PIF1: variants seen among roughly 807,000 people sequenced by gnomAD.
PIF1 encodes the protein PIF1 5'-to-3' DNA helicase, also known as ATP-dependent DNA helicase PIF1.
Under a neutral mutation model 62.3 loss-of-function variants are expected in PIF1, and 67 were observed. That is an observed-to-expected ratio of 1.08 (90% CI 0.88 to 1.32). The LOEUF is 1.32. Ranked by LOEUF, PIF1 falls within the 40% of genes most tolerant of loss-of-function variation. PIF1 has a pLI of 0.00. For missense variants in PIF1, 886 were observed against 866.1 expected, an observed-to-expected ratio of 1.02 and a Z score of -0.29; for synonymous variants, 364 against 379.5, an observed-to-expected ratio of 0.96 and a Z score of 0.47.
chr15:64,821,357 A>G lies in PIF1; in HGVS notation c.971+10T>C, dbSNP rs1195602616. The G allele has an allele frequency of 6.2e-7, 1 of 1,613,964 alleles. No homozygotes were observed. Among genetic ancestry groups the G allele is most frequent in the Non-Finnish European group, 8.5e-7 (1 of 1,179,904 alleles). On this transcript the variant is annotated intron_variant, in intron 5 of 12. Transcript: ENST00000559239. The stretch of plus-strand genomic sequence containing the variant: ...CCAGTTCTCACCTGCTGCCCTCTGA[A>G]CATACTGACCTGGCCACGGCCTCCA...
chr15:64,818,206 G>T (rs769915555), intron 10 of PIF1, 51 bp downstream of exon 10: 1 of 1,610,934 alleles, frequency 6.2e-7, no homozygotes, highest in Non-Finnish European at 8.5e-7. Context: ...CATTCCCGGG[G>T]CCATGCTGCA....
rs2084180501 is a variant in PIF1, at chr15:64,816,260, C to G, written c.*38G>C. ...ACTAGGGAGCAGGAGGACGGGGAGG[C>G]CACAGGCCACCCTTTGTCTTCTCTT... On this transcript the variant is annotated 3_prime_UTR_variant, in exon 13 of 13. Transcript: ENST00000559239. 1 of 1,612,712 alleles carries G rather than the reference C, an allele frequency of 6.2e-7. No homozygotes were observed. Among genetic ancestry groups the G allele is most frequent in the African/African-American group, 1.3e-5 (1 of 74,894 alleles).
chr15:64,818,372 C>G, intron 9 of PIF1, 28 bp from the exon 10 acceptor site: 1 of 1,606,836 alleles, frequency 6.2e-7, no homozygotes, highest in Non-Finnish European at 8.5e-7. Flanking sequence ...GAATGGACAG[C>G]AGCCCCCCTA....
chr15:64,820,099 G>C (rs1595814707), intron 7 of PIF1, 113 bp from the exon 8 acceptor site: 1 of 1,351,312 alleles, frequency 7.4e-7, no homozygotes, highest in East Asian at 2.3e-5. Flanking sequence ...GACTGGAAGA[G>C]GGCACCAGGG....
intron 1 of PIF1, 121 bp from the exon 2 acceptor site, chr15:64,824,475 A>C: frequency 1.7e-6 from 1 of 593,356 alleles, no homozygotes; most frequent in Non-Finnish European, 2.5e-6. Context: ...ACACAAGATC[A>C]CGAGGACTGT....
rs1434602514 is a variant in PIF1, at chr15:64,824,373, A to G, written c.-19-19T>C. 6 of 1,238,894 alleles carry G rather than the reference A, an allele frequency of 4.8e-6. No homozygotes were observed. Among genetic ancestry groups the G allele is most frequent in the Non-Finnish European group, 6.1e-6 (6 of 990,880 alleles). The allele number at this position is 1,238,894 out of a possible 1,614,324, so 76.7% of individuals were successfully genotyped here. ...TGCTGGTCTGCGAAGACACCGGAGCACAGGGGTCATGAGGATTCATGAGAC... is the reference window on the plus strand; with the variant it reads ...TGCTGGTCTGCGAAGACACCGGAGCGCAGGGGTCATGAGGATTCATGAGAC... On this transcript the variant is annotated intron_variant, in intron 1 of 12. Transcript: ENST00000559239.
chr15:64,825,019 A>G (rs1162813769), intron 1 of PIF1, among the ~76,000 whole-genome samples: 2 of 151,470 alleles, frequency 1.3e-5, no homozygotes, highest in African/African-American at 4.9e-5. Flanking sequence ...ACACACACAC[A>G]TATACACACA....
chr15:64,817,880 C>A, intron 11 of PIF1, 66 bp downstream of exon 11: 1 of 1,527,128 alleles, frequency 6.5e-7, no homozygotes, highest in Non-Finnish European at 8.8e-7. Flanking sequence ...AAAAAAGACA[C>A]ATAGACTGCA....
In PIF1 at chr15:64,815,679, A is replaced by G; in HGVS notation, c.*619T>C. 6.5e-7 allele frequency: 1 copy of G among 1,542,960 alleles called. No homozygotes were observed. The highest frequency in any genetic ancestry group is 8.7e-7 in the Non-Finnish European group (1 of 1,143,118). ...ATTTGTCCGAAATAAATACAACCTG[A>G]GAACATCCATTTCAATGTCCCCAAA... On this transcript the variant is annotated 3_prime_UTR_variant, in exon 13 of 13. Coordinates refer to ENST00000559239, the MANE Select transcript of PIF1 (RefSeq NM_001286496.2).
intron 11 of PIF1, among the ~76,000 whole-genome samples, chr15:64,817,647 A>C (rs926178313): frequency 1.3e-5 from 2 of 151,954 alleles, no homozygotes; most frequent in Non-Finnish European, 2.9e-5. Context: ...GTGGATCACC[A>C]GGTCAGGAGA....
rs779519311 is a variant in PIF1, at chr15:64,817,929, C to A, written c.1674+17G>T. On this transcript the variant is annotated intron_variant, in intron 11 of 12. Transcript: ENST00000559239. ...CCCTCTGCCCTCCCTGTCCCTGCCC[C>A]CCACACCGGTGCTCACTTGGCTCTT... The A allele has an allele frequency of 6.2e-7, 1 of 1,602,402 alleles. No individual in the cohort carries two copies. The highest frequency in any genetic ancestry group is 8.5e-7 in the Non-Finnish European group (1 of 1,174,640).
intron 4 of PIF1, 72 bp downstream of exon 4, chr15:64,822,194 G>A: frequency 6.4e-7 from 1 of 1,559,174 alleles, no homozygotes; most frequent in Non-Finnish European, 8.6e-7. Context: ...CCCTCTTTAT[G>A]CAGACCTCCC....
chr15:64,820,226 G>C (rs2084266643), intron 7 of PIF1, among the ~76,000 whole-genome samples: 1 of 152,200 alleles, frequency 6.6e-6, no homozygotes, highest in Non-Finnish European at 1.5e-5. Flanking sequence ...ACCCTTCCCT[G>C]TGCTGCCCCA....
chr15:64,823,455 C>T (rs62017274), intron 2 of PIF1: 15,471 of 213,082 alleles, frequency 0.073, 2,147 homozygotes, highest in African/African-American at 0.3. Context: ...ACCATGTTGG[C>T]CAGGCTGGCC....
rs1467317705 is a variant in PIF1 at position 64,819,176 on chromosome 15, T to G, written c.1381A>C (p.Ser461Arg). ...ACAGGACACTGGGCATCCAGGGTAC[T>G]GGCCAGCTCAGGGTTGCTGTCCATA... is the stretch of plus-strand genomic sequence containing the variant. ...EAMDSNPELA[S>R]TLDAQCPVSQ... The change falls in exon 9 of 13, where the codon AGT becomes CGT. Residue 461 changes from serine to arginine, a missense_variant. Coordinates refer to ENST00000559239, the MANE Select transcript of PIF1 (RefSeq NM_001286496.2). 6.2e-7 allele frequency: 1 copy of G among 1,602,588 alleles called. No homozygotes were observed. Among genetic ancestry groups the G allele is most frequent in the African/African-American group, 1.3e-5 (1 of 74,094 alleles).
At chr15:64,819,362 G>T in intron 8 of PIF1, 139 bp from the exon 9 acceptor site, 1 of 630,528 alleles carries the variant, frequency 1.6e-6, no homozygotes, top group Non-Finnish European at 2.7e-6. Flanking sequence ...CCAGACTGGA[G>T]TGCAAAGGCG....
rs773633636 is a variant in PIF1 at position 64,816,684 on chromosome 15, G to T, written c.1756C>A (p.Arg586Ser). 6 of 1,613,688 alleles carry T rather than the reference G, an allele frequency of 3.7e-6. No homozygotes were observed. The South Asian group carries it at 5.5e-5, about 15-fold the overall frequency. Residue 586 changes from arginine (R) to serine (S), a missense_variant, in exon 12 of 13, where the codon CGC becomes AGC. Physicochemically the swap from Arg to Ser is moderately radical, Grantham distance 110. Transcript: ENST00000559239. ...AGCACACGTAGGCCCTGCAGGCTGC[G>T]GGCCCGAGAAAGGGCCACATAGGCC... ...GQAYVALSRA[R>S]SLQGLRVLDF... is the part of the protein sequence containing the mutation.
upstream of PIF1, among the ~76,000 whole-genome samples, chr15:64,825,925 C>G (rs967323475): frequency 3.3e-5 from 5 of 152,162 alleles, no homozygotes; most frequent in African/African-American, 7.2e-5. Flanking sequence ...TCTGAAAACC[C>G]TACGCGACTC....
intron 11 of PIF1, among the ~76,000 whole-genome samples, chr15:64,817,550 C>CTAAAA (rs1161582190): frequency 6.7e-6 from 1 of 148,306 alleles, no homozygotes; most frequent in East Asian, 2.0e-4. Context: ...AAAAACTAAA[C>CTAAAA]TAAACTAAAA....
Sources: allele counts gnomAD v4.1 joint callset (sites outside exome capture counted in the v4.1 genomes callset), GRCh38; gene constraint gnomAD v4.1.1; transcripts MANE v1.5; gene names NCBI Gene and HGNC (gene_info 2026-07-23, HGNC 2026-07-21).